Variants in AMD1 observed in about 807,000 individuals in gnomAD.
AMD1 encodes the protein S-adenosylmethionine decarboxylase proenzyme.
In AMD1, 11 loss-of-function variants were observed where a neutral mutation model predicts 40.2. The observed-to-expected ratio is 0.27, with a 90% confidence interval of 0.17 to 0.45. The LOEUF is 0.45. Ranked by LOEUF, AMD1 falls within the 20% of genes least tolerant of loss-of-function variation. The pLI is 1.00. For missense variants in AMD1, 257 were observed against 410.2 expected (o/e 0.63, Z 3.23); for synonymous variants, 121 against 130.8 (o/e 0.93, Z 0.51).
upstream of AMD1, among the ~76,000 whole-genome samples, chr6:110,870,128 GGTAA>G (rs939357079): frequency 5.3e-5 from 8 of 152,148 alleles, no homozygotes; most frequent in Non-Finnish European, 2.9e-5. Context: ...TTTAACAACC[GGTAA>G]GTGTTTAACA....
chr6:110,870,389 T>C (rs1406046455), upstream of AMD1, among the ~76,000 whole-genome samples: 2 of 151,620 alleles, frequency 1.3e-5, no homozygotes, highest in African/African-American at 4.8e-5. Context: ...CTCTGGGAGG[T>C]TGAGGTGGGC....
chr6:110,889,453 AT>A (rs1562339500), intron 3 of AMD1: 1 of 152,400 alleles, frequency 6.6e-6, no homozygotes, highest in South Asian at 2.1e-4. Context: ...TTTATTTTTT[AT>A]TTTTTTGAGA....
chr6:110,887,415 G>A (rs1168360189), intron 1 of AMD1, 90 bp from the exon 2 acceptor site: 11 of 820,296 alleles, frequency 1.3e-5, no homozygotes, highest in Non-Finnish European at 2.1e-5. Flanking sequence ...TAAAAATGTG[G>A]TCTTCATGAG....
chr6:110,825,444 T>A, the AMD1 span, among the ~76,000 whole-genome samples: 1 of 152,228 alleles, frequency 6.6e-6, no homozygotes, highest in Non-Finnish European at 1.5e-5. Flanking sequence ...ACTTTGTATA[T>A]GTTAAACCAC....
intron 1 of AMD1, among the ~76,000 whole-genome samples, chr6:110,878,185 A>G (rs2115275237): frequency 6.6e-6 from 1 of 152,078 alleles, no homozygotes; most frequent in Non-Finnish European, 1.5e-5. Context: ...GAAACAACAT[A>G]CTTCCCTCGG....
At position 110,893,964 on chromosome 6, in the gene AMD1, C is replaced by G; in HGVS notation, c.*348C>G. The G allele has an allele frequency of 2.3e-5, 5 of 217,580 alleles. No individual in the cohort carries two copies. The highest frequency in any genetic ancestry group is 1.5e-4 in the South Asian group (2 of 13,474). 13.5% of individuals were successfully genotyped at this position (217,580 alleles called of 1,614,324 possible). A position where few individuals can be genotyped will look rare whatever the true frequency, so the allele number is the denominator to read the frequency against. ...GTGTAATATTTCTCCAAGTATCATC[C>G]AAAATTCCCCACAGACAAGGCTTTC... On this transcript the variant is annotated 3_prime_UTR_variant, in exon 9 of 9. Coordinates refer to ENST00000368885, the MANE Select transcript of AMD1 (RefSeq NM_001634.6).
At chr6:110,816,131 A>G in the AMD1 span, among the ~76,000 whole-genome samples, 4,190 of 152,338 alleles carry the variant, frequency 0.028, 79 homozygotes, top group South Asian at 0.083. Context: ...AGAGGAGAAC[A>G]TGCAACTTCT....
chr6:110,871,356 T>C (rs1013931849), upstream of AMD1, among the ~76,000 whole-genome samples: 1 of 152,242 alleles, frequency 6.6e-6, no homozygotes, highest in Non-Finnish European at 1.5e-5. Context: ...CAAACACTAC[T>C]ATAGTTAGAA....
intron 1 of AMD1, among the ~76,000 whole-genome samples, chr6:110,884,457 A>T (rs1048079693): frequency 2.0e-5 from 3 of 152,180 alleles, no homozygotes; most frequent in Admixed American, 2.0e-4. Context: ...GTTTTAAGAG[A>T]GGGTCTTGCT....
At chr6:110,826,846 C>A in the AMD1 span, among the ~76,000 whole-genome samples, 3 of 151,994 alleles carry the variant, frequency 2.0e-5, no homozygotes, top group Non-Finnish European at 4.4e-5. Context: ...TGCCCACCAC[C>A]AGACCTGGCT....
the AMD1 span, among the ~76,000 whole-genome samples, chr6:110,825,549 G>A: frequency 0.026 from 4,033 of 152,288 alleles, 80 homozygotes; most frequent in South Asian, 0.084. Flanking sequence ...CAGAGAACAT[G>A]TAGGTACCAC....
chr6:110,872,276 G>A (rs142702153), upstream of AMD1, among the ~76,000 whole-genome samples: 3 of 152,222 alleles, frequency 2.0e-5, no homozygotes, highest in East Asian at 1.9e-4. Flanking sequence ...AGAGAAATTC[G>A]GTGATAACTG....
At chr6:110,854,314 G>A in the AMD1 span, among the ~76,000 whole-genome samples, 1 of 152,248 alleles carries the variant, frequency 6.6e-6, no homozygotes, top group South Asian at 2.1e-4. Context: ...GCCCTGTCCA[G>A]TTAAGCAATA....
chr6:110,822,581 C>T, the AMD1 span, among the ~76,000 whole-genome samples: 6 of 151,872 alleles, frequency 4.0e-5, no homozygotes, highest in Non-Finnish European at 8.8e-5. Flanking sequence ...GATACCAAAG[C>T]CAGGAAAGGA....
chr6:110,869,166 T>G, the AMD1 span, among the ~76,000 whole-genome samples: 3 of 152,120 alleles, frequency 2.0e-5, no homozygotes, highest in African/African-American at 7.2e-5. Flanking sequence ...AGTCTCTCTC[T>G]GTAGCCCAGG....
In AMD1 at chr6:110,894,519, A is replaced by G. The variant is rs565294437; in HGVS notation, c.*903A>G. 2 of 152,336 alleles carry G rather than the reference A, an allele frequency of 1.3e-5. No homozygotes were observed. The highest frequency in any genetic ancestry group is 4.8e-5 in the African/African-American group (2 of 41,572). 9.4% of individuals were successfully genotyped at this position (152,336 alleles called of 1,614,324 possible). ...CTGGCTGAACTGTGGAAAACATACA[A>G]TTCTGTGTTCCTCAGTAAATGAGAT... On this transcript the variant is annotated 3_prime_UTR_variant, in exon 9 of 9. Transcript: ENST00000368885.
chr6:110,859,411 G>A, the AMD1 span, among the ~76,000 whole-genome samples: 343 of 152,200 alleles, frequency 2.3e-3, 4 homozygotes, highest in African/African-American at 8.0e-3. Flanking sequence ...CCAGGCTGTG[G>A]GCCGAGCAGT....
At chr6:110,875,436 C>T in intron 1 of AMD1, 1 of 515,660 alleles carries the variant, frequency 1.9e-6, no homozygotes, top group Non-Finnish European at 3.4e-6. Context: ...CCGCGCCTGG[C>T]ATTGCCCTGG....
At chr6:110,818,607 C>T in the AMD1 span, among the ~76,000 whole-genome samples, 1 of 152,158 alleles carries the variant, frequency 6.6e-6, no homozygotes, top group Non-Finnish European at 1.5e-5. Flanking sequence ...GTGGCGCGAT[C>T]TCACCTCACT....
Sources: gnomAD v4.1 joint callset for allele counts (sites outside exome capture counted in the v4.1 genomes callset) on GRCh38, gnomAD v4.1.1 for gene constraint, MANE v1.5 for transcripts, NCBI Gene and HGNC (gene_info 2026-07-23, HGNC 2026-07-21) for gene names.